The following ZBTB20 variants were observed in gnomAD, a reference collection of about 807,000 sequenced individuals.
ZBTB20 encodes the protein zinc finger and BTB domain containing 20.
In ZBTB20, 9 loss-of-function variants were observed where a neutral mutation model predicts 56.9. The ratio of observed to expected loss-of-function variants is 0.16; its 90% CI spans 0.10 to 0.28. The LOEUF (loss-of-function observed/expected upper bound fraction) is 0.28. Among genes scored for constraint, ZBTB20 ranks in the 10% least tolerant of loss-of-function variants. The probability of loss-of-function intolerance (pLI) is 1.00; values close to 1 mark genes in which losing one functional copy is unlikely to be tolerated. For missense variants in ZBTB20, 655 were observed against 1,003.0 expected, an observed-to-expected ratio of 0.65 and a Z score of 4.69; for synonymous variants, 417 against 420.7, an observed-to-expected ratio of 0.99 and a Z score of 0.11.
chr3:115,117,321 T>A (rs1354053529), intron 1 of ZBTB20, among the ~76,000 whole-genome samples: 1 of 152,162 alleles, frequency 6.6e-6, no homozygotes, highest in Non-Finnish European at 1.5e-5. Flanking sequence ...AAAAGTTTAA[T>A]TTTAACACAA....
At chr3:114,714,541 GA>G (rs11294072) in intron 5 of ZBTB20, among the ~76,000 whole-genome samples, 17,025 of 137,174 alleles carry the variant, frequency 0.12, 1,229 homozygotes, top group East Asian at 0.35. Context: ...AGCATTTCAG[GA>G]AAAAAAAAAA....
At chr3:114,773,204 C>T (rs6438220) in intron 5 of ZBTB20, among the ~76,000 whole-genome samples, 125,476 of 152,142 alleles carry the variant, frequency 0.82, 53,039 homozygotes, top group East Asian at 0.98. Context: ...TTGATTTTGG[C>T]CTTGTAAAGC....
intron 4 of ZBTB20, among the ~76,000 whole-genome samples, chr3:114,844,053 A>G (rs1179709941): frequency 6.6e-6 from 1 of 151,926 alleles, no homozygotes. Context: ...AAAATTGTAA[A>G]CAGTCTAAAT....
chr3:114,556,210 T>G (rs565795611), intron 6 of ZBTB20, among the ~76,000 whole-genome samples: 1 of 152,224 alleles, frequency 6.6e-6, no homozygotes, highest in Admixed American at 6.5e-5. Context: ...AGGTGAACAG[T>G]TATGTGGTAT....
intron 4 of ZBTB20, among the ~76,000 whole-genome samples, chr3:114,872,275 T>TG (rs1180551825): frequency 1.7e-4 from 26 of 152,140 alleles, no homozygotes; most frequent in Non-Finnish European, 1.6e-4. Flanking sequence ...ACCCTTGTAC[T>TG]CAAGAGGTTT....
At chr3:114,979,917 C>T (rs1013498620) in intron 2 of ZBTB20, among the ~76,000 whole-genome samples, 1 of 151,898 alleles carries the variant, frequency 6.6e-6, no homozygotes. Flanking sequence ...CTGGCTAAAC[C>T]CCATACTAAA....
chr3:114,644,719 A>G (rs1278491100), intron 6 of ZBTB20, among the ~76,000 whole-genome samples: 2 of 152,162 alleles, frequency 1.3e-5, no homozygotes, highest in East Asian at 1.9e-4. Context: ...TGGGATTCCT[A>G]TTCCAAACCT....
intron 4 of ZBTB20, among the ~76,000 whole-genome samples, chr3:114,820,249 G>A (rs899740171): frequency 3.3e-5 from 5 of 151,656 alleles, no homozygotes; most frequent in African/African-American, 9.7e-5. Flanking sequence ...AAAATTTTTT[G>A]GTACATAATT....
At chr3:114,938,050 G>A (rs914112033) in intron 3 of ZBTB20, among the ~76,000 whole-genome samples, 1 of 151,902 alleles carries the variant, frequency 6.6e-6, no homozygotes, top group Non-Finnish European at 1.5e-5. Context: ...CCCAGGAGGC[G>A]GAGCTTGCAG....
intron 7 of ZBTB20, among the ~76,000 whole-genome samples, chr3:114,484,287 C>T (rs1194230020): frequency 6.6e-6 from 1 of 152,034 alleles, no homozygotes; most frequent in Admixed American, 6.6e-5. Context: ...ATTTTTAAAC[C>T]CACCAACGTA....
intron 4 of ZBTB20, among the ~76,000 whole-genome samples, chr3:114,814,428 A>AT (rs1440301828): frequency 6.6e-6 from 1 of 152,106 alleles, no homozygotes; most frequent in East Asian, 1.9e-4. Context: ...TAAATTTACT[A>AT]TATGATACCC....
chr3:115,046,079 T>C (rs532471185), intron 2 of ZBTB20, among the ~76,000 whole-genome samples: 1 of 152,308 alleles, frequency 6.6e-6, no homozygotes, highest in Non-Finnish European at 1.5e-5. Context: ...CAGAAAATCA[T>C]GACATACTTA....
rs370296145 is a variant in ZBTB20 at position 114,941,188 on chromosome 3, G to A, written c.-456+33178C>T. Among the ~76,000 whole-genome samples, 33 of 146,124 alleles carry A rather than the reference G, an allele frequency of 2.3e-4. 7 individuals carry two copies. Among genetic ancestry groups the A allele is most frequent in the African/African-American group, 8.9e-4 (32 of 36,024 alleles). ...CTGCTAATCAGCACTAATAATGATG[G>A]GGATAACAATAATAATCTGCTACCT... On this transcript the variant is annotated intron_variant, in intron 3 of 11. Coordinates refer to ENST00000675478, the MANE Select transcript of ZBTB20 (RefSeq NM_001348800.3).
intron 6 of ZBTB20, among the ~76,000 whole-genome samples, chr3:114,575,914 A>C (rs1328329164): frequency 6.7e-6 from 1 of 150,066 alleles, no homozygotes; most frequent in Admixed American, 6.6e-5. Context: ...TGTTTGCCTA[A>C]CAAAATAATT....
intron 4 of ZBTB20, among the ~76,000 whole-genome samples, chr3:114,871,340 T>C (rs2076002816): frequency 6.6e-6 from 1 of 152,138 alleles, no homozygotes. Flanking sequence ...AGAGCTCTGC[T>C]AAATACATCT....
intron 7 of ZBTB20, among the ~76,000 whole-genome samples, chr3:114,465,974 A>G (rs1169547020): frequency 6.6e-6 from 1 of 152,134 alleles, no homozygotes; most frequent in Non-Finnish European, 1.5e-5. Context: ...ATTAACAAAT[A>G]CATGTATGTA....
intron 8 of ZBTB20, among the ~76,000 whole-genome samples, chr3:114,386,255 C>T (rs562391312): frequency 1.3e-5 from 2 of 152,304 alleles, no homozygotes; most frequent in Non-Finnish European, 2.9e-5. Context: ...TGATTAAACA[C>T]ATTTTATTTT....
chr3:114,741,219 A>G (rs894156330), intron 5 of ZBTB20, among the ~76,000 whole-genome samples: 1 of 152,188 alleles, frequency 6.6e-6, no homozygotes, highest in Admixed American at 6.5e-5. Flanking sequence ...ACAAACTTAA[A>G]AGCCAGGAAA....
intron 2 of ZBTB20, among the ~76,000 whole-genome samples, chr3:115,061,559 C>A: frequency 6.6e-6 from 1 of 152,078 alleles, no homozygotes; most frequent in Non-Finnish European, 1.5e-5. Flanking sequence ...AAAATATAGG[C>A]AAAATATTTG....
Sources: gnomAD v4.1 joint callset for allele counts (sites outside exome capture counted in the v4.1 genomes callset) on GRCh38, gnomAD v4.1.1 for gene constraint, MANE v1.5 for transcripts, NCBI Gene and HGNC (gene_info 2026-07-23, HGNC 2026-07-21) for gene names.